The following PRSS12 variants were observed in gnomAD, a reference collection of about 807,000 sequenced individuals.
PRSS12 encodes neurotrypsin.
In PRSS12, 85 loss-of-function variants were observed where a neutral mutation model predicts 104.4. The ratio of observed to expected loss-of-function variants is 0.81; its 90% confidence interval spans 0.68 to 0.98. The LOEUF is 0.98. Among genes scored for constraint, PRSS12 ranks in the 50% least tolerant of loss-of-function variants. PRSS12 has a pLI of 0.00. For missense variants in PRSS12, 1,141 were observed against 1,139.2 expected, an observed-to-expected ratio of 1.00 and a Z score of -0.02; for synonymous variants, 454 against 425.2, an observed-to-expected ratio of 1.07 and a Z score of -0.83.
chr4:118,308,134 A>G (rs1484468811), intron 8 of PRSS12, among the ~76,000 whole-genome samples: 1 of 152,238 alleles, frequency 6.6e-6, no homozygotes, highest in African/African-American at 2.4e-5. Flanking sequence ...AATCACAGAG[A>G]AAAGGTTAAC....
intron 8 of PRSS12, among the ~76,000 whole-genome samples, chr4:118,304,340 T>C (rs1032967442): frequency 1.3e-5 from 2 of 152,000 alleles, no homozygotes; most frequent in African/African-American, 4.8e-5. Context: ...CATGTATTTT[T>C]TAAAATGGAT....
intron 10 of PRSS12, among the ~76,000 whole-genome samples, chr4:118,295,494 T>C (rs1226112975): frequency 2.6e-5 from 4 of 152,210 alleles, no homozygotes; most frequent in Non-Finnish European, 5.9e-5. Flanking sequence ...AGATGAATCT[T>C]TGTAGTTACA....
At chr4:118,333,838 T>A (rs1374447905) in intron 3 of PRSS12, among the ~76,000 whole-genome samples, 5 of 152,190 alleles carry the variant, frequency 3.3e-5, no homozygotes, top group Non-Finnish European at 5.9e-5. Flanking sequence ...AGGACAAGAT[T>A]TAGTTAACAG....
chr4:118,292,280 C>T (rs1743145496), intron 11 of PRSS12, among the ~76,000 whole-genome samples: 1 of 152,140 alleles, frequency 6.6e-6, no homozygotes. Flanking sequence ...ACTTATTCTT[C>T]CCCATCATCA....
chr4:118,344,145 T>C (rs1724290305), intron 1 of PRSS12, among the ~76,000 whole-genome samples: 1 of 152,184 alleles, frequency 6.6e-6, no homozygotes, highest in Non-Finnish European at 1.5e-5. Context: ...TTTCAATTTA[T>C]GACCTATTCA....
chr4:118,284,052 A>C (rs983589664), intron 11 of PRSS12, among the ~76,000 whole-genome samples: 1 of 152,192 alleles, frequency 6.6e-6, no homozygotes, highest in Non-Finnish European at 1.5e-5. Context: ...TTCAGCCATC[A>C]TACTAAAGTA....
chr4:118,349,575 T>G (rs961500116), intron 1 of PRSS12, among the ~76,000 whole-genome samples: 1 of 152,180 alleles, frequency 6.6e-6, no homozygotes, highest in East Asian at 1.9e-4. Flanking sequence ...TATATGTAAG[T>G]AAAGAAATAC....
At chr4:118,329,334 T>C (rs989078251) in intron 4 of PRSS12, among the ~76,000 whole-genome samples, 2 of 152,344 alleles carry the variant, frequency 1.3e-5, no homozygotes, top group Non-Finnish European at 1.5e-5. Context: ...TAATCAAAAA[T>C]GCCTTTTACC....
chr4:118,284,935 A>T (rs1036819842), intron 11 of PRSS12, among the ~76,000 whole-genome samples: 1 of 152,140 alleles, frequency 6.6e-6, no homozygotes, highest in African/African-American at 2.4e-5. Flanking sequence ...CTTAGAACTG[A>T]GTTGGTATTC....
At chr4:118,313,570 A>G (rs1200299804) in intron 6 of PRSS12, among the ~76,000 whole-genome samples, 173 bp from the exon 7 acceptor site, 1 of 152,116 alleles carries the variant, frequency 6.6e-6, no homozygotes, top group African/African-American at 2.4e-5. Context: ...AGCCCATCAC[A>G]TGTTTTAATC....
At chr4:118,347,098 A>C (rs950557557) in intron 1 of PRSS12, among the ~76,000 whole-genome samples, 1 of 152,130 alleles carries the variant, frequency 6.6e-6, no homozygotes, top group South Asian at 2.1e-4. Flanking sequence ...AAATATGCAC[A>C]CTAGTTAAGA....
chr4:118,282,306 C>T (rs1742901776), intron 12 of PRSS12, 63 bp from the exon 13 acceptor site: 3 of 1,585,340 alleles, frequency 1.9e-6, no homozygotes, highest in African/African-American at 1.3e-5. Context: ...TTAACAGTTA[C>T]TGAGCATGTA....
intron 8 of PRSS12, among the ~76,000 whole-genome samples, chr4:118,302,428 T>A (rs1743424079): frequency 6.6e-6 from 1 of 152,222 alleles, no homozygotes; most frequent in Admixed American, 6.5e-5. Flanking sequence ...ACAATTCATG[T>A]AATTCAGAAA....
Position 118,338,175 on chromosome 4 carries a change from C to T in PRSS12, c.641+1G>A. 6.2e-7 allele frequency: 1 copy of T among 1,613,910 alleles called. No individual in the cohort carries two copies. The highest frequency in any genetic ancestry group is 8.5e-7 in the Non-Finnish European group (1 of 1,179,886). ...ATTTGGTCAGGGATGGGTACACTCA[C>T]CCCAGCTGCAGCTGGTGACAAATGA... On this transcript the variant is annotated splice_donor_variant, in intron 2 of 12. Coordinates refer to ENST00000296498, the MANE Select transcript of PRSS12 (RefSeq NM_003619.4). LOFTEE classifies it high-confidence loss of function.
chr4:118,295,865 G>T lies in PRSS12; in HGVS notation c.1838-9C>A. The T allele has an allele frequency of 6.2e-7, 1 of 1,610,734 alleles. No individual in the cohort carries two copies. Among genetic ancestry groups the T allele is most frequent in the Non-Finnish European group, 8.5e-7 (1 of 1,176,902 alleles). ...AACAGATGAGAGGGACTCTGAAGCAGAAATAGGTCATTAATTAAACTATCA... is the reference window on the plus strand; with the variant it reads ...AACAGATGAGAGGGACTCTGAAGCATAAATAGGTCATTAATTAAACTATCA... On this transcript the variant is annotated splice_polypyrimidine_tract_variant and intron_variant, in intron 9 of 12. Transcript: ENST00000296498.
chr4:118,297,534 T>C (rs1013435732), intron 9 of PRSS12, among the ~76,000 whole-genome samples: 23 of 151,202 alleles, frequency 1.5e-4, no homozygotes, highest in Non-Finnish European at 7.4e-5. Context: ...GTATATATAT[T>C]TAATATATAT....
At chr4:118,312,037 G>C (rs954280498) in intron 7 of PRSS12, among the ~76,000 whole-genome samples, 3 of 151,936 alleles carry the variant, frequency 2.0e-5, no homozygotes, top group African/African-American at 7.3e-5. Context: ...GGGAAAAGGA[G>C]AACAAAATGA....
At chr4:118,319,958 C>T (rs994017308) in intron 4 of PRSS12, among the ~76,000 whole-genome samples, 2 of 152,050 alleles carry the variant, frequency 1.3e-5, no homozygotes, top group African/African-American at 2.4e-5. Flanking sequence ...ATTACAAGTA[C>T]GAGCCACCAT....
intron 11 of PRSS12, among the ~76,000 whole-genome samples, chr4:118,288,854 G>T (rs964844571): frequency 6.6e-6 from 1 of 152,144 alleles, no homozygotes; most frequent in Admixed American, 6.5e-5. Context: ...AATTCAAATT[G>T]CCAACAGGCT....
Sources: allele counts gnomAD v4.1 joint callset (sites outside exome capture counted in the v4.1 genomes callset), GRCh38; gene constraint gnomAD v4.1.1; transcripts MANE v1.5; gene names NCBI Gene and HGNC (gene_info 2026-07-23, HGNC 2026-07-21).